ZNF207: variants seen among roughly 807,000 people sequenced by gnomAD.
ZNF207 encodes BUB3-interacting and GLEBS motif-containing protein ZNF207.
In ZNF207, 24 loss-of-function variants were observed where a neutral mutation model predicts 60.2. The observed-to-expected ratio is 0.40, with a 90% CI of 0.29 to 0.56. The LOEUF (loss-of-function observed/expected upper bound fraction) is 0.56. Among genes scored for constraint, ZNF207 ranks in the 20% least tolerant of loss-of-function variants. The pLI, the probability that ZNF207 is intolerant of heterozygous loss-of-function variation, is 0.49. For missense variants in ZNF207, 452 were observed against 636.6 expected (o/e 0.71, Z 3.12); for synonymous variants, 236 against 194.7 (o/e 1.21, Z -1.77).
chr17:32,357,351 A>ATTATTTTTTTTT (rs1363194053), intron 2 of ZNF207, among the ~76,000 whole-genome samples: 8 of 74,026 alleles, frequency 1.1e-4, no homozygotes, highest in African/African-American at 4.5e-4. Context: ...TATTATTATT[A>ATTATTTTTTTTT]TTTTTTTTTT....
Position 32,355,498 on chromosome 17 carries a change from G to T in ZNF207, c.169-3005G>T, listed in dbSNP as rs533482123. ...GTTAATTTTGAGTGTAGGTATGTTT[G>T]AGGTCTATTAAATATCCAGATGAAA... On this transcript the variant is annotated intron_variant, in intron 2 of 11. Coordinates refer to ENST00000394670, the MANE Select transcript of ZNF207 (RefSeq NM_001098507.2). Among the ~76,000 whole-genome samples the T allele has an allele frequency of 2.6e-5, 4 of 152,328 alleles. No homozygotes were observed. In the East Asian group the frequency reaches 7.7e-4, roughly 29 times the overall value.
chr17:32,355,671 T>G lies in ZNF207; in HGVS notation c.169-2832T>G, dbSNP rs556205041. ...TAAGGACTGTAGTGTGGTTGGAAAT[T>G]AGGTGCTCTCTGCTCTAGGCCACTT... On this transcript the variant is annotated intron_variant, in intron 2 of 11. Coordinates refer to ENST00000394670, the MANE Select transcript of ZNF207 (RefSeq NM_001098507.2). Among the ~76,000 whole-genome samples, 9 of 152,294 alleles carry G rather than the reference T, an allele frequency of 5.9e-5. No individual in the cohort carries two copies. In the South Asian group the frequency reaches 8.3e-4, roughly 14 times the overall value.
chr17:32,356,939 T>C (rs1169998307), intron 2 of ZNF207, among the ~76,000 whole-genome samples: 1 of 152,206 alleles, frequency 6.6e-6, no homozygotes, highest in Non-Finnish European at 1.5e-5. Flanking sequence ...CCCAGCACTT[T>C]AGGACACTGA....
Position 32,372,840 on chromosome 17 carries a change from C to G in ZNF207, c.*3081C>G, listed in dbSNP as rs146911213. On this transcript the variant is annotated 3_prime_UTR_variant, in exon 12 of 12. Transcript: ENST00000394670. ...TGAGTCAAAGTGGATGCCAACTGCC[C>G]TCACAGAAGACAACTTTTGGGACTT... 1.6e-4 allele frequency: 24 copies of G among 152,280 alleles called. No homozygotes were observed. The highest frequency in any genetic ancestry group is 5.3e-4 in the African/African-American group (22 of 41,558). 9.4% of individuals were successfully genotyped at this position (152,280 alleles called of 1,614,324 possible). A position where few individuals can be genotyped will look rare whatever the true frequency, so the allele number is the denominator to read the frequency against.
chr17:32,357,342 A>ATTTTTTTTT (rs1364261997), intron 2 of ZNF207, among the ~76,000 whole-genome samples: 12 of 64,458 alleles, frequency 1.9e-4, no homozygotes, highest in African/African-American at 9.6e-4. Flanking sequence ...TATTATTATT[A>ATTTTTTTTT]TTATTATTAT....
At position 32,376,641 on chromosome 17, in the gene ZNF207, C is replaced by G. The variant is rs999487216; in HGVS notation, c.*6882C>G. 2.0e-5 allele frequency: 3 copies of G among 152,004 alleles called. No individual in the cohort carries two copies. The highest frequency in any genetic ancestry group is 7.2e-5 in the African/African-American group (3 of 41,398). 9.4% of individuals were successfully genotyped at this position (152,004 alleles called of 1,614,324 possible). A position where few individuals can be genotyped will look rare whatever the true frequency, so the allele number is the denominator to read the frequency against. On this transcript the variant is annotated 3_prime_UTR_variant, in exon 12 of 12. Transcript: ENST00000394670. ...TTCGCTGAAACTAATTTGAACTATT[C>G]CTATTTGAAGCAAATTGAACACTAT...
In ZNF207 at chr17:32,373,685, ATAAT is replaced by A. The variant is rs1370026359; in HGVS notation, c.*3930_*3933del. The A allele has an allele frequency of 2.3e-5, 8 of 349,614 alleles. No homozygotes were observed. Among genetic ancestry groups the A allele is most frequent in the Admixed American group, 4.7e-5 (1 of 21,486 alleles). 21.7% of individuals were successfully genotyped at this position (349,614 alleles called of 1,614,324 possible). The stretch of plus-strand genomic sequence containing the variant: ...TTTTATGTAATTTGCTGTGTGTTAC[ATAAT>A]TAACAGCTTCAGTAAAGCTTGTGTT... On this transcript the variant is annotated 3_prime_UTR_variant, in exon 12 of 12. Transcript: ENST00000394670.
In ZNF207 at chr17:32,367,756, G is replaced by T; in HGVS notation, c.922-16G>T. 1 of 1,612,890 alleles carries T rather than the reference G, an allele frequency of 6.2e-7. No homozygotes were observed. The highest frequency in any genetic ancestry group is 8.5e-7 in the Non-Finnish European group (1 of 1,179,418). Reference sequence around the variant, plus strand: ...AAGGTTTTGAAGTTTCGTTGATGAAGTATTGTATTTTACAGGCTCAGGCAG... The same window carrying T: ...AAGGTTTTGAAGTTTCGTTGATGAATTATTGTATTTTACAGGCTCAGGCAG... On this transcript the variant is annotated splice_polypyrimidine_tract_variant and intron_variant, in intron 9 of 11. Coordinates refer to ENST00000394670, the MANE Select transcript of ZNF207 (RefSeq NM_001098507.2).
Position 32,370,735 on chromosome 17 carries a change from A to G in ZNF207, c.*976A>G, listed in dbSNP as rs1905430594. On this transcript the variant is annotated 3_prime_UTR_variant, in exon 12 of 12. Transcript: ENST00000394670. The stretch of plus-strand genomic sequence containing the variant: ...TGCCAGACCCATTCATTTCCTTTTG[A>G]TTATTTTTGAGACTCAGTACTGCAT... 1 of 152,050 alleles carries G rather than the reference A, an allele frequency of 6.6e-6. No individual in the cohort carries two copies. The highest frequency in any genetic ancestry group is 1.5e-5 in the Non-Finnish European group (1 of 68,010). The allele number at this position is 152,050 out of a possible 1,614,324, so 9.4% of individuals were successfully genotyped here.
At position 32,357,342 on chromosome 17, in the gene ZNF207, A is replaced by ATTTT. The variant is rs1364261997; in HGVS notation, c.169-1159_169-1158insTTTT. Among the ~76,000 whole-genome samples, 40 of 64,446 alleles carry ATTTT rather than the reference A, an allele frequency of 6.2e-4. 1 individual carries two copies. Among genetic ancestry groups the ATTTT allele is most frequent in the African/African-American group, 1.1e-3 (13 of 11,420 alleles). 42.3% of individuals were successfully genotyped at this position (64,446 alleles called of 152,430 possible). On this transcript the variant is annotated intron_variant, in intron 2 of 11. Transcript: ENST00000394670. ...TATTATTATTATTATTATTATTATT[A>ATTTT]TTATTATTATTTTTTTTTTTTTTTG... is the stretch of plus-strand genomic sequence containing the variant.
Position 32,371,103 on chromosome 17 carries a change from C to T in ZNF207, c.*1344C>T, listed in dbSNP as rs748760914. ...GTGTTGCAACCTCTTAAAATAATAG[C>T]TCTTGTTGACCTTTTTGGGATCTGT... On this transcript the variant is annotated 3_prime_UTR_variant, in exon 12 of 12. Transcript: ENST00000394670. 1.1e-4 allele frequency: 16 copies of T among 152,248 alleles called. No individual in the cohort carries two copies. The highest frequency in any genetic ancestry group is 1.9e-4 in the Non-Finnish European group (13 of 67,998). The allele number at this position is 152,248 out of a possible 1,614,324, so 9.4% of individuals were successfully genotyped here.
At position 32,351,898 on chromosome 17, in the gene ZNF207, A is replaced by G. The variant is rs764414505; in HGVS notation, c.154A>G (p.Ile52Val). The G allele has an allele frequency of 6.4e-7, 1 of 1,563,736 alleles. No individual in the cohort carries two copies. The highest frequency in any genetic ancestry group is 8.7e-7 in the Non-Finnish European group (1 of 1,153,288). ...KKLYTGPGLA[I>V]HCMQVHKETI... ...ATTGTATACAGGACCTGGCTTAGCT[A>G]TTCATTGCATGCAGGTAAGGATTTT... Residue 52 changes from isoleucine (I) to valine (V), a missense_variant, in exon 2 of 12, where the codon ATT (isoleucine) becomes GTT (valine). By Grantham distance (29) the Ile-to-Val change is conservative (BLOSUM62 3). Coordinates refer to ENST00000394670, the MANE Select transcript of ZNF207 (RefSeq NM_001098507.2).
chr17:32,362,885 A>G (rs1258154049), intron 6 of ZNF207, 29 bp from the exon 7 acceptor site: 1 of 1,601,450 alleles, frequency 6.2e-7, no homozygotes, highest in African/African-American at 1.3e-5. Context: ...TCATTAACTT[A>G]CTGTTTCTTG....
chr17:32,351,661 AAGC>A (rs1366192637), intron 1 of ZNF207, 122 bp from the exon 2 acceptor site: 3 of 1,584,350 alleles, frequency 1.9e-6, no homozygotes, highest in Non-Finnish European at 2.6e-6. Context: ...TAAATATAAA[AAGC>A]AGAGTTTCTA....
At chr17:32,360,399 A>G (rs1296581973) in intron 3 of ZNF207, among the ~76,000 whole-genome samples, 199 bp from the exon 4 acceptor site, 1 of 152,184 alleles carries the variant, frequency 6.6e-6, no homozygotes, top group Non-Finnish European at 1.5e-5. Context: ...TACCTTTCAT[A>G]GGACAGGGAA....
chr17:32,355,337 C>G (rs531585349), intron 2 of ZNF207, among the ~76,000 whole-genome samples: 2 of 152,096 alleles, frequency 1.3e-5, no homozygotes, highest in African/African-American at 4.8e-5. Context: ...TGCAGTGAGC[C>G]GTGATAGCAC....
Position 32,373,210 on chromosome 17 carries a change from G to A in ZNF207, c.*3451G>A. Reference sequence around the variant, plus strand: ...CACCTTAATTAAACTTAATTAATTGGGGAGGGGGATTCCCCAACAAAAAGA... The same window carrying A: ...CACCTTAATTAAACTTAATTAATTGAGGAGGGGGATTCCCCAACAAAAAGA... On this transcript the variant is annotated 3_prime_UTR_variant, in exon 12 of 12. Transcript: ENST00000394670. 1 of 449,180 alleles carries A rather than the reference G, an allele frequency of 2.2e-6. No homozygotes were observed. Among genetic ancestry groups the A allele is most frequent in the Non-Finnish European group, 4.0e-6 (1 of 251,764 alleles). The allele number at this position is 449,180 out of a possible 1,614,324, so 27.8% of individuals were successfully genotyped here.
intron 2 of ZNF207, among the ~76,000 whole-genome samples, chr17:32,356,457 G>A (rs777774005): frequency 1.3e-5 from 2 of 152,174 alleles, no homozygotes; most frequent in Non-Finnish European, 2.9e-5. Flanking sequence ...ATAAGGAATA[G>A]CTTTTAACAA....
intron 2 of ZNF207, among the ~76,000 whole-genome samples, chr17:32,353,904 C>T (rs544727070): frequency 6.6e-6 from 1 of 151,964 alleles, no homozygotes; most frequent in South Asian, 2.1e-4. Context: ...TTACATGTGG[C>T]TATTTAAAAT....
Sources: allele counts gnomAD v4.1 joint callset (sites outside exome capture counted in the v4.1 genomes callset), GRCh38; gene constraint gnomAD v4.1.1; transcripts MANE v1.5; gene names NCBI Gene and HGNC (gene_info 2026-07-23, HGNC 2026-07-21).